STPG2: variants seen among roughly 807,000 people sequenced by gnomAD.
STPG2 encodes sperm-tail PG-rich repeat-containing protein 2.
A neutral mutation model predicts 54.2 loss-of-function variants in STPG2; 56 were observed. The observed-to-expected ratio is 1.03, with a 90% CI of 0.83 to 1.29. STPG2 has a LOEUF of 1.29. STPG2 is among the 50% of genes most tolerant of loss of function. STPG2 has a pLI of 0.00. For missense variants in STPG2, 596 were observed against 544.9 expected (o/e 1.09, Z -0.93); for synonymous variants, 200 against 181.8 (o/e 1.10, Z -0.81).
intron 8 of STPG2, among the ~76,000 whole-genome samples, chr4:97,929,531 AG>A (rs1259580317): frequency 1.3e-5 from 2 of 152,122 alleles, no homozygotes; most frequent in Admixed American, 6.6e-5. Flanking sequence ...CAACCTCACT[AG>A]AATCTTTTAT....
Position 97,832,416 on chromosome 4 carries a change from A to G in STPG2, c.1204+8357T>C, listed in dbSNP as rs189577022. On this transcript the variant is annotated intron_variant, in intron 9 of 10. Transcript: ENST00000295268. ...CAACCCACAGCCAGTATCATGCTGA[A>G]TGGGCAAAAACTGGAAGCATTCCCT... 4.2e-3 allele frequency among the ~76,000 whole-genome samples: 641 copies of G among 152,340 alleles called. 3 individuals carry two copies. Among genetic ancestry groups the G allele is most frequent in the South Asian group, 0.024 (116 of 4,832 alleles).
intron 10 of STPG2, among the ~76,000 whole-genome samples, chr4:97,582,145 A>G (rs1732878469): frequency 6.6e-6 from 1 of 151,964 alleles, no homozygotes; most frequent in African/African-American, 2.4e-5. Context: ...CTTCTGCTCT[A>G]TGGTTCCCTC....
At position 97,480,554 on chromosome 4, in the gene STPG2, T is replaced by C. The variant is rs538834739; in HGVS notation, c.462+232145A>G. 1.3e-3 allele frequency among the ~76,000 whole-genome samples: 204 copies of C among 151,744 alleles called. 2 individuals are homozygous for C. Among genetic ancestry groups the C allele is most frequent in the African/African-American group, 4.5e-3 (189 of 41,546 alleles). On this transcript the variant is annotated intron_variant, in intron 4 of 4. Coordinates refer to the STPG2 transcript ENST00000522676. ...TTCTTTAATTATAAAAACATTATAA[T>C]TCCCACTAGAAATGTATGAGAGTAT...
intron 7 of STPG2, among the ~76,000 whole-genome samples, chr4:97,964,384 G>A (rs551981157): frequency 3.3e-5 from 5 of 152,210 alleles, no homozygotes; most frequent in Admixed American, 3.3e-4. Flanking sequence ...CCTTAAAAAG[G>A]ATGTACAATC....
chr4:97,727,523 T>A (rs1724662384), intron 9 of STPG2, among the ~76,000 whole-genome samples: 1 of 151,976 alleles, frequency 6.6e-6, no homozygotes, highest in Admixed American at 6.6e-5. Flanking sequence ...CCAGGTTTTT[T>A]ATGCAGAATG....
chr4:97,626,814 G>A (rs1303774844), intron 10 of STPG2, among the ~76,000 whole-genome samples: 1 of 151,766 alleles, frequency 6.6e-6, no homozygotes, highest in African/African-American at 2.4e-5. Flanking sequence ...TATTTACATA[G>A]TAGCTTTTAA....
At chr4:97,653,742 T>C (rs1439810823) in intron 10 of STPG2, among the ~76,000 whole-genome samples, 1 of 152,112 alleles carries the variant, frequency 6.6e-6, no homozygotes, top group Non-Finnish European at 1.5e-5. Flanking sequence ...TGACTGAGAA[T>C]GGTGTTTAGT....
At chr4:97,574,390 A>C in intron 10 of STPG2, among the ~76,000 whole-genome samples, 1 of 152,116 alleles carries the variant, frequency 6.6e-6, no homozygotes, top group East Asian at 1.9e-4. Context: ...AACCTTCAGA[A>C]ATGAAGATAG....
intron 9 of STPG2, among the ~76,000 whole-genome samples, chr4:97,816,788 C>A (rs111858835): frequency 0.018 from 2,769 of 150,450 alleles, 76 homozygotes; most frequent in African/African-American, 0.064. Context: ...CTTTCACTCT[C>A]TTTCTGTCTC....
chr4:98,114,330 T>C (rs1056930039), intron 3 of STPG2, among the ~76,000 whole-genome samples: 1 of 152,112 alleles, frequency 6.6e-6, no homozygotes, highest in African/African-American at 2.4e-5. Flanking sequence ...TTTTCTACTA[T>C]ATTATGACCA....
intron 5 of STPG2, among the ~76,000 whole-genome samples, chr4:98,014,123 C>A (rs1482761454): frequency 6.6e-6 from 1 of 152,100 alleles, no homozygotes; most frequent in East Asian, 1.9e-4. Flanking sequence ...ATAAATTTCC[C>A]TCTTAATACT....
intron 10 of STPG2, among the ~76,000 whole-genome samples, chr4:97,701,616 T>C (rs1723777020): frequency 6.6e-6 from 1 of 152,172 alleles, no homozygotes; most frequent in South Asian, 2.1e-4. Flanking sequence ...GTCTGGAAAT[T>C]GATTGAGGGG....
At chr4:97,700,015 T>C (rs946352499) in intron 10 of STPG2, among the ~76,000 whole-genome samples, 2 of 152,206 alleles carry the variant, frequency 1.3e-5, no homozygotes, top group Non-Finnish European at 2.9e-5. Context: ...GTTGAGGTCA[T>C]GTGGTGACTT....
chr4:97,684,925 C>T lies in STPG2; in HGVS notation c.1320+27774G>A, dbSNP rs543155044. ...AATAGGAAAAAGATATGAACAGACA[C>T]CTCACTAAAGAAGATATACAGATGG... On this transcript the variant is annotated intron_variant, in intron 10 of 10. Transcript: ENST00000295268. 1.5e-3 allele frequency among the ~76,000 whole-genome samples: 232 copies of T among 151,898 alleles called. 1 individual carries two copies. Among genetic ancestry groups the T allele is most frequent in the African/African-American group, 5.5e-3 (230 of 41,490 alleles).
chr4:98,064,631 A>G (rs1240468713), intron 5 of STPG2, among the ~76,000 whole-genome samples: 1 of 152,190 alleles, frequency 6.6e-6, no homozygotes, highest in East Asian at 1.9e-4. Flanking sequence ...ATTCATAAAC[A>G]TGAGGCATTC....
intron 8 of STPG2, among the ~76,000 whole-genome samples, chr4:97,879,722 T>A (rs574464585): frequency 6.6e-6 from 1 of 152,162 alleles, no homozygotes; most frequent in East Asian, 1.9e-4. Flanking sequence ...TCTCAACATC[T>A]CTAATCACCA....
chr4:97,690,082 C>A (rs1157301542), intron 10 of STPG2, among the ~76,000 whole-genome samples: 4 of 152,104 alleles, frequency 2.6e-5, no homozygotes, highest in Non-Finnish European at 5.9e-5. Context: ...GAAGCAATAT[C>A]ACTTTATCTA....
chr4:97,592,121 A>T lies in STPG2; in HGVS notation c.1321-33004T>A, dbSNP rs1386212447. Among the ~76,000 whole-genome samples, 7 of 152,190 alleles carry T rather than the reference A, an allele frequency of 4.6e-5. No individual in the cohort carries two copies. The East Asian group carries it at 1.2e-3, about 25-fold the overall frequency. ...TGGAAAGGGCAATAGAAAAATCGCC[A>T]TCTTAATAAATATAATTAACACTTA... On this transcript the variant is annotated intron_variant, in intron 10 of 10. Coordinates refer to ENST00000295268, the MANE Select transcript of STPG2 (RefSeq NM_174952.3).
intron 9 of STPG2, among the ~76,000 whole-genome samples, chr4:97,787,225 C>G (rs1726854391): frequency 6.6e-6 from 1 of 151,836 alleles, no homozygotes; most frequent in Non-Finnish European, 1.5e-5. Flanking sequence ...TGGGTTAGAC[C>G]CTCACATAAA....
Sources: allele counts gnomAD v4.1 joint callset (sites outside exome capture counted in the v4.1 genomes callset), GRCh38; gene constraint gnomAD v4.1.1; transcripts MANE v1.5; gene names NCBI Gene and HGNC (gene_info 2026-07-23, HGNC 2026-07-21).